Variants in LCORL observed in about 807,000 individuals in gnomAD.
LCORL encodes ligand dependent nuclear receptor corepressor like.
Under a neutral mutation model 141.8 loss-of-function variants are expected in LCORL, and 41 were observed. The observed-to-expected ratio is 0.29, with a 90% CI of 0.23 to 0.38. The LOEUF is 0.38. Ranked by LOEUF, LCORL falls within the 10% of genes least tolerant of loss-of-function variation. LCORL has a pLI of 1.00. For missense variants in LCORL, 1,759 were observed against 2,035.0 expected (o/e 0.86, Z 2.61); for synonymous variants, 618 against 694.1 (o/e 0.89, Z 1.72).
At chr4:17,843,540 G>A in exon 8 of LCORL, 2 of 1,197,252 alleles carry the variant, frequency 1.7e-6, no homozygotes, top group South Asian at 2.9e-5. Flanking sequence ...AAGATTTTCT[G>A]CTGTGCGCTT....
chr4:17,989,604 G>A (rs986713113), intron 1 of LCORL, among the ~76,000 whole-genome samples: 1 of 152,110 alleles, frequency 6.6e-6, no homozygotes, highest in Non-Finnish European at 1.5e-5. Flanking sequence ...AAACTTGACT[G>A]TGTACCCTCA....
At chr4:17,912,389 G>A in intron 4 of LCORL, 1 of 641,820 alleles carries the variant, frequency 1.6e-6, no homozygotes, top group South Asian at 1.4e-5. Context: ...GCCAGCTCTA[G>A]GGTGACTGCG....
At chr4:17,979,606 A>T (rs190090555) in intron 1 of LCORL, among the ~76,000 whole-genome samples, 15 of 152,306 alleles carry the variant, frequency 9.8e-5, no homozygotes, top group African/African-American at 3.6e-4. Context: ...TTTTTCTTGA[A>T]TAAGTCTGTT....
intron 5 of LCORL, among the ~76,000 whole-genome samples, chr4:17,890,815 GAC>G (rs1168611742): frequency 6.8e-6 from 1 of 146,814 alleles, no homozygotes; most frequent in South Asian, 2.2e-4. Context: ...CTTGAATACT[GAC>G]ACTTTATTGG....
exon 7 of LCORL, chr4:17,877,736 C>T (rs1727069590): frequency 2.4e-6 from 3 of 1,230,564 alleles, no homozygotes; most frequent in Non-Finnish European, 2.0e-6. Flanking sequence ...CTTCCTTTGA[C>T]AAAAGAGGAC....
chr4:17,897,662 C>T (rs982060697), intron 5 of LCORL, among the ~76,000 whole-genome samples: 5 of 152,148 alleles, frequency 3.3e-5, no homozygotes, highest in African/African-American at 9.7e-5. Context: ...CATTTTAAAA[C>T]ATTCAATATT....
chr4:18,015,096 C>A (rs1454806996), intron 1 of LCORL, among the ~76,000 whole-genome samples: 2 of 152,162 alleles, frequency 1.3e-5, no homozygotes, highest in Admixed American at 1.3e-4. Flanking sequence ...AGTTACATAA[C>A]ATAACCAAAA....
intron 1 of LCORL, among the ~76,000 whole-genome samples, chr4:17,973,165 A>G (rs1282153740): frequency 6.6e-6 from 1 of 151,882 alleles, no homozygotes; most frequent in East Asian, 1.9e-4. Flanking sequence ...TGGGTAAAAT[A>G]TTATGGGCAG....
At chr4:17,928,352 C>T (rs1311006505) in intron 4 of LCORL, among the ~76,000 whole-genome samples, 1 of 152,156 alleles carries the variant, frequency 6.6e-6, no homozygotes, top group African/African-American at 2.4e-5. Context: ...GGCAAGGCTG[C>T]AATGAACCAT....
At chr4:17,996,288 A>G (rs534008208) in intron 1 of LCORL, among the ~76,000 whole-genome samples, 37 of 152,230 alleles carry the variant, frequency 2.4e-4, no homozygotes, top group Admixed American at 2.2e-3. Context: ...GTATCATTTT[A>G]TGCAAATGTA....
intron 4 of LCORL, among the ~76,000 whole-genome samples, chr4:17,916,163 TC>T (rs1733367893): frequency 6.6e-6 from 1 of 152,156 alleles, no homozygotes; most frequent in Admixed American, 6.5e-5. Flanking sequence ...CCTTGACCCT[TC>T]CCTAATTTTT....
At chr4:17,958,115 G>C (rs984888211) in intron 4 of LCORL, among the ~76,000 whole-genome samples, 1 of 151,688 alleles carries the variant, frequency 6.6e-6, no homozygotes, top group Non-Finnish European at 1.5e-5. Flanking sequence ...TTCCCAAAAG[G>C]CACGGGAAAA....
At chr4:17,988,102 T>G (rs1404631715) in intron 1 of LCORL, among the ~76,000 whole-genome samples, 2 of 152,184 alleles carry the variant, frequency 1.3e-5, no homozygotes, top group Non-Finnish European at 2.9e-5. Context: ...TTGATGCTTT[T>G]AAAAATGGGA....
intron 7 of LCORL, among the ~76,000 whole-genome samples, chr4:17,867,899 T>TAG (rs1345413395): frequency 2.0e-5 from 3 of 152,172 alleles, no homozygotes; most frequent in African/African-American, 7.2e-5. Flanking sequence ...TGGCAAAAGT[T>TAG]AGAGACTCTT....
intron 4 of LCORL, among the ~76,000 whole-genome samples, chr4:17,916,579 T>A (rs572688837): frequency 1.3e-5 from 2 of 152,238 alleles, no homozygotes; most frequent in East Asian, 3.9e-4. Context: ...TGAGCAGATA[T>A]TGGTGTCATG....
rs1303000823 is a variant in LCORL at position 17,874,922 on chromosome 4, C to T, written c.4068G>A (p.Leu1356=). The stretch of plus-strand genomic sequence containing the variant: ...AATGCAGTTTATATGATTTATGGAG[C>T]AGAGCGTTTCTATAAATAAGTGAGC... Residue 1356 remains leucine (L), a synonymous_variant, in exon 7 of 8, where the codon CTG becomes CTA. Transcript: ENST00000635767. 4.1e-6 allele frequency: 5 copies of T among 1,233,664 alleles called. No individual in the cohort carries two copies. In the African/African-American group the frequency reaches 4.6e-5, roughly 11 times the overall value. The allele number at this position is 1,233,664 out of a possible 1,614,324, so 76.4% of individuals were successfully genotyped here. A position where few individuals can be genotyped will look rare whatever the true frequency, so the allele number is the denominator to read the frequency against.
At chr4:17,845,633 G>C (rs888631766) in exon 8 of LCORL, 30 of 887,818 alleles carry the variant, frequency 3.4e-5, no homozygotes, top group Admixed American at 5.7e-5. Flanking sequence ...CACAGGACTA[G>C]AAATACTTCA....
intron 5 of LCORL, among the ~76,000 whole-genome samples, chr4:17,901,776 AG>A (rs1240899608): frequency 3.3e-5 from 5 of 152,108 alleles, no homozygotes; most frequent in East Asian, 1.9e-4. Flanking sequence ...GAAAATAAGG[AG>A]GAAAAAAAAG....
At chr4:17,986,616 G>A (rs1719020305) in intron 1 of LCORL, among the ~76,000 whole-genome samples, 3 of 152,064 alleles carry the variant, frequency 2.0e-5, no homozygotes, top group Admixed American at 2.0e-4. Context: ...GATCAGTTAG[G>A]TGTGTTGTTT....
Sources: allele counts gnomAD v4.1 joint callset (sites outside exome capture counted in the v4.1 genomes callset), GRCh38; gene constraint gnomAD v4.1.1; transcripts MANE v1.5; gene names NCBI Gene and HGNC (gene_info 2026-07-23, HGNC 2026-07-21).